Variants in GRK3 observed in about 807,000 individuals in gnomAD.
GRK3 encodes the protein G protein-coupled receptor kinase 3, also known as adrenergic, beta, receptor kinase 2.
A neutral mutation model predicts 95.7 loss-of-function variants in GRK3; 54 were observed. The ratio of observed to expected loss-of-function variants is 0.56; its 90% CI spans 0.45 to 0.71. The LOEUF (loss-of-function observed/expected upper bound fraction) is 0.71, where lower values mean the gene tolerates loss of function less well. Ranked by LOEUF, GRK3 falls within the 30% of genes least tolerant of loss-of-function variation. GRK3 has a pLI of 0.00. For missense variants in GRK3, 649 were observed against 851.2 expected (o/e 0.76, Z 2.96); for synonymous variants, 281 against 290.8 (o/e 0.97, Z 0.34).
intron 15 of GRK3, among the ~76,000 whole-genome samples, chr22:25,709,239 G>A (rs1205967163): frequency 6.6e-5 from 10 of 151,752 alleles, no homozygotes; most frequent in South Asian, 2.1e-4. Flanking sequence ...GGGTTTCACC[G>A]TGTTAGCCAG....
At chr22:25,623,073 C>G (rs2084598742) in intron 2 of GRK3, among the ~76,000 whole-genome samples, 1 of 152,162 alleles carries the variant, frequency 6.6e-6, no homozygotes, top group Non-Finnish European at 1.5e-5. Context: ...TCCTGAGTAG[C>G]TGAAAACACA....
chr22:25,720,751 A>G (rs2085425755), intron 19 of GRK3, among the ~76,000 whole-genome samples: 1 of 152,170 alleles, frequency 6.6e-6, no homozygotes, highest in Non-Finnish European at 1.5e-5. Context: ...CTGGGATTAC[A>G]GGCATGAGCC....
chr22:25,638,836 T>C (rs769867299), intron 2 of GRK3, among the ~76,000 whole-genome samples: 8 of 152,236 alleles, frequency 5.3e-5, no homozygotes, highest in Non-Finnish European at 7.3e-5. Context: ...GGCTGCCTTG[T>C]ATCCCTGCTG....
At position 25,722,513 on chromosome 22, in the gene GRK3, C is replaced by T. The variant is rs1331630641; in HGVS notation, c.*63C>T. The T allele has an allele frequency of 7.7e-6, 12 of 1,554,680 alleles. No homozygotes were observed. The highest frequency in any genetic ancestry group is 1.4e-5 in the African/African-American group (1 of 73,506). On this transcript the variant is annotated 3_prime_UTR_variant, in exon 21 of 21. Transcript: ENST00000324198. ...CAGGGTCTCAGCCTTTTGGGGTGAA[C>T]GAGGATGAGGCATCTGATCTATTCG...
At chr22:25,709,045 ATT>A in intron 15 of GRK3, among the ~76,000 whole-genome samples, 1 of 142,818 alleles carries the variant, frequency 7.0e-6, no homozygotes, top group South Asian at 2.3e-4. Flanking sequence ...TTTTATTTTT[ATT>A]TTTTTTTTGA....
chr22:25,685,209 A>T lies in GRK3; in HGVS notation c.787A>T (p.Thr263Ser). The T allele has an allele frequency of 6.2e-7, 1 of 1,613,708 alleles. No individual in the cohort carries two copies. The highest frequency in any genetic ancestry group is 8.5e-7 in the Non-Finnish European group (1 of 1,179,642). Residue 263 changes from threonine to serine, a missense_variant, in exon 10 of 21, where the codon ACC (threonine) becomes TCC (serine). Around this residue, in one of 3 missense-constraint regions of GRK3, gnomAD observed 61 missense variants for 126.0 expected, o/e 0.48. Coordinates refer to ENST00000324198, the MANE Select transcript of GRK3 (RefSeq NM_005160.4). Reference protein sequence around the residue: ...FIVCMTYAFHTPDKLCFILDL... With the variant: ...FIVCMTYAFHSPDKLCFILDL... ...TGTATGTATGACCTATGCCTTCCAT[A>T]CCCCAGATAAACTCTGCTTCATCCT...
chr22:25,709,364 G>T (rs1259837098), intron 15 of GRK3, among the ~76,000 whole-genome samples: 1 of 152,066 alleles, frequency 6.6e-6, no homozygotes, highest in Non-Finnish European at 1.5e-5. Flanking sequence ...AGTAGAGATG[G>T]GATTTCACCG....
At chr22:25,680,491 G>C (rs1246865866) in intron 9 of GRK3, among the ~76,000 whole-genome samples, 1 of 152,140 alleles carries the variant, frequency 6.6e-6, no homozygotes, top group Non-Finnish European at 1.5e-5. Context: ...TCTCAAGAAA[G>C]CCTATAGAAA....
chr22:25,678,812 C>T lies in GRK3; in HGVS notation c.648-4C>T. The T allele has an allele frequency of 6.5e-7, 1 of 1,534,648 alleles. No individual in the cohort carries two copies. The highest frequency in any genetic ancestry group is 1.2e-5 in the South Asian group (1 of 85,552). ...TAGATTTTTCAATAAATTTATGTTT[C>T]TAGGTATGCAATGAAATGCTTAGAT... On this transcript the variant is annotated splice_region_variant and splice_polypyrimidine_tract_variant and intron_variant, in intron 8 of 20. Coordinates refer to ENST00000324198, the MANE Select transcript of GRK3 (RefSeq NM_005160.4).
chr22:25,616,387 GGAGAGA>G (rs143019947), intron 2 of GRK3, among the ~76,000 whole-genome samples: 5 of 149,730 alleles, frequency 3.3e-5, no homozygotes, highest in South Asian at 4.2e-4. Context: ...AGAGAGGGAG[GGAGAGA>G]GAGAGAGAGA....
intron 2 of GRK3, among the ~76,000 whole-genome samples, chr22:25,629,027 T>C (rs999803780): frequency 5.9e-5 from 9 of 152,210 alleles, no homozygotes; most frequent in Admixed American, 2.6e-4. Flanking sequence ...GGAAAACTTT[T>C]AAAATATATT....
intron 19 of GRK3, among the ~76,000 whole-genome samples, chr22:25,719,622 T>G (rs1481816756): frequency 6.9e-6 from 1 of 144,148 alleles, no homozygotes; most frequent in Non-Finnish European, 1.5e-5. Context: ...AAGTGCCTAC[T>G]GGGTGAAGAG....
intron 15 of GRK3, 83 bp from the exon 16 acceptor site, chr22:25,709,815 T>C: frequency 2.0e-6 from 2 of 979,730 alleles, no homozygotes; most frequent in Non-Finnish European, 3.2e-6. Flanking sequence ...CTCCCCTGTA[T>C]TGTTAACAGG....
At chr22:25,647,985 G>A (rs2084798466) in intron 3 of GRK3, among the ~76,000 whole-genome samples, 1 of 151,988 alleles carries the variant, frequency 6.6e-6, no homozygotes, top group East Asian at 1.9e-4. Context: ...ACGTGGTGGT[G>A]AGTGCCTGTA....
At position 25,722,677 on chromosome 22, in the gene GRK3, G is replaced by T; in HGVS notation, c.*227G>T. On this transcript the variant is annotated 3_prime_UTR_variant, in exon 21 of 21. Coordinates refer to ENST00000324198, the MANE Select transcript of GRK3 (RefSeq NM_005160.4). ...GTTCTTTTTCTTTGCTACACACTTT[G>T]GTACCTATGAACCTAGAACTTGAAG... 2 of 455,550 alleles carry T rather than the reference G, an allele frequency of 4.4e-6. No individual in the cohort carries two copies. The highest frequency in any genetic ancestry group is 7.0e-5 in the East Asian group (2 of 28,504). 28.2% of individuals were successfully genotyped at this position (455,550 alleles called of 1,614,324 possible). A position where few individuals can be genotyped will look rare whatever the true frequency, so the allele number is the denominator to read the frequency against.
intron 8 of GRK3, among the ~76,000 whole-genome samples, chr22:25,677,372 T>C (rs867818316): frequency 1.8e-3 from 95 of 52,866 alleles, no homozygotes; most frequent in African/African-American, 6.9e-3. Flanking sequence ...TGAGACCCCA[T>C]ATCTTAAAAA....
chr22:25,607,575 T>C (rs891752969), intron 2 of GRK3, among the ~76,000 whole-genome samples: 1 of 151,876 alleles, frequency 6.6e-6, no homozygotes, highest in African/African-American at 2.4e-5. Flanking sequence ...ATTTAAAAAA[T>C]TTTTATTTAT....
intron 1 of GRK3, among the ~76,000 whole-genome samples, chr22:25,603,995 G>A (rs560298261): frequency 2.3e-4 from 35 of 152,286 alleles, no homozygotes; most frequent in African/African-American, 7.9e-4. Context: ...TTATTGATGA[G>A]CAGAATTTGT....
Position 25,576,388 on chromosome 22 carries a change from A to G in GRK3, c.113+11235A>G, listed in dbSNP as rs1207619. Among the ~76,000 whole-genome samples the G allele has an allele frequency of 3.6e-3, 553 of 152,250 alleles. 4 individuals carry two copies. Among genetic ancestry groups the G allele is most frequent in the African/African-American group, 0.013 (525 of 41,534 alleles). On this transcript the variant is annotated intron_variant, in intron 1 of 20. Coordinates refer to ENST00000324198, the MANE Select transcript of GRK3 (RefSeq NM_005160.4). ...ATCTTTCCATATTTTCATGTTTCCCATTGTAATTGGTGGGCACACGTCCAC... is the reference window on the plus strand; with the variant it reads ...ATCTTTCCATATTTTCATGTTTCCCGTTGTAATTGGTGGGCACACGTCCAC...
Sources: gnomAD v4.1 joint callset for allele counts (sites outside exome capture counted in the v4.1 genomes callset) on GRCh38, gnomAD v4.1.1 for gene constraint, gnomAD v4.1.1 regional missense constraint, MANE v1.5 for transcripts, NCBI Gene and HGNC (gene_info 2026-07-23, HGNC 2026-07-21) for gene names.